Variants in ADCY3 observed in about 807,000 individuals in gnomAD.
ADCY3 encodes adenylate cyclase 3, also known as adenylate cyclase type 3.
ADCY3 carries 70 observed loss-of-function variants against 119.4 expected under a neutral mutation model. The observed-to-expected ratio is 0.59, with a 90% confidence interval of 0.48 to 0.72. The LOEUF is 0.72. Among genes scored for constraint, ADCY3 ranks in the 30% least tolerant of loss-of-function variants. The pLI, the probability that ADCY3 is intolerant of heterozygous loss-of-function variation, is 0.00. For missense variants in ADCY3, 1,238 were observed against 1,541.6 expected, an observed-to-expected ratio of 0.80 and a Z score of 3.30; for synonymous variants, 672 against 621.4, an observed-to-expected ratio of 1.08 and a Z score of -1.21.
Position 24,918,531 on chromosome 2 carries a change from A to G in ADCY3, c.457T>C (p.Ser153Pro). The G allele has an allele frequency of 6.2e-7, 1 of 1,613,970 alleles. No homozygotes were observed. The highest frequency in any genetic ancestry group is 2.2e-5 in the East Asian group (1 of 44,888). The change falls in exon 2 of 22, where the codon TCC becomes CCC. Residue 153 changes from serine (S) to proline (P), a missense_variant. Coordinates refer to ENST00000679454, the MANE Select transcript of ADCY3 (RefSeq NM_004036.5). This position sits in a 1 kb window ranked among gnomAD's most constrained non-coding sequence, Gnocchi z 5.4. ...LWLLITAQIF[S>P]YLGLNFARAH... Reference sequence around the variant, plus strand: ...CGCGCGAAGTTCAGGCCCAGGTAGGAGAAGATCTGGGCGGTTATGAGCAGC... The same window carrying G: ...CGCGCGAAGTTCAGGCCCAGGTAGGGGAAGATCTGGGCGGTTATGAGCAGC...
rs74332232 is a variant in ADCY3, at chr2:24,918,925, G to C, written c.63C>G (p.Ser21=). 1.9e-6 allele frequency: 3 copies of C among 1,612,028 alleles called. No individual in the cohort carries two copies. The Admixed American group carries it at 5.0e-5, about 27-fold the overall frequency. ...GGTCAGGGTCGGAGGGCAGGCTGAC[G>C]GAGTACTCGGCTGAGTACTCGGCCG... ...EYSAEYSAEY[S]VSLPSDPDRG... Residue 21 remains serine (S), a synonymous_variant, in exon 2 of 22, where the codon TCC becomes TCG. Transcript: ENST00000679454. This position sits in a 1 kb window ranked among gnomAD's most constrained non-coding sequence, Gnocchi z 5.4.
rs199729605 is a variant in ADCY3 at position 24,918,631 on chromosome 2, G to C, written c.357C>G (p.Ile119Met). 1.2e-6 allele frequency: 2 copies of C among 1,614,168 alleles called. No homozygotes were observed. The highest frequency in any genetic ancestry group is 1.7e-6 in the Non-Finnish European group (2 of 1,180,042). Residue 119 changes from isoleucine (I) to methionine (M), a missense_variant, in exon 2 of 22, where the codon ATC (isoleucine) becomes ATG (methionine). By Grantham distance (10) the Ile-to-Met change is conservative. Transcript: ENST00000679454. The surrounding 1 kb of genome is among the most constrained non-coding windows in gnomAD (Gnocchi z 5.4). ...AVAGIGLVLD[I>M]ILFVLCKKGL... ...CCTTTTTGCAGAGCACGAAGAGGAT[G>C]ATGTCCAACACCAGTCCAATTCCAG...
At chr2:24,853,017 T>G (rs991414621) in intron 3 of ADCY3, among the ~76,000 whole-genome samples, 1 of 29,098 alleles carries the variant, frequency 3.4e-5, no homozygotes, top group African/African-American at 3.7e-4. Flanking sequence ...TGTGTGTGTG[T>G]GTGTGTGTGT....
Position 24,918,212 on chromosome 2 carries a change from C to G in ADCY3, c.675+101G>C. ...GAGAGCCCCGGAGGCCCCCAGGACA[C>G]ATTTTGACTCAAAGGCAAAGCAAAC... is the stretch of plus-strand genomic sequence containing the variant. On this transcript the variant is annotated intron_variant, in intron 2 of 21. Coordinates refer to ENST00000679454, the MANE Select transcript of ADCY3 (RefSeq NM_004036.5). This position sits in a 1 kb window ranked among gnomAD's most constrained non-coding sequence, Gnocchi z 5.4. 1 of 1,346,214 alleles carries G rather than the reference C, an allele frequency of 7.4e-7. No homozygotes were observed. Among genetic ancestry groups the G allele is most frequent in the South Asian group, 1.4e-5 (1 of 69,462 alleles). The allele number at this position is 1,346,214 out of a possible 1,614,324, so 83.4% of individuals were successfully genotyped here. A position where few individuals can be genotyped will look rare whatever the true frequency, so the allele number is the denominator to read the frequency against.
intron 13 of ADCY3, among the ~76,000 whole-genome samples, 156 bp from the exon 14 acceptor site, chr2:24,828,317 T>C (rs1025502613): frequency 2.6e-5 from 4 of 152,200 alleles, no homozygotes; most frequent in Non-Finnish European, 4.4e-5. Context: ...GGACTAATCA[T>C]ATGAAAGTTA....
chr2:24,871,405 C>T (rs758272338), intron 3 of ADCY3, among the ~76,000 whole-genome samples: 12 of 152,224 alleles, frequency 7.9e-5, no homozygotes, highest in Non-Finnish European at 1.5e-4. Flanking sequence ...AAAATCCCCT[C>T]CTATGGGGGC....
At position 24,878,596 on chromosome 2, in the gene ADCY3, A is replaced by G. The variant is rs1262623579; in HGVS notation, c.676-5877T>C. ...CACGGGAAACTCGTCATTAAAACTT[A>G]CTCAGATGCTTTAGGAAAAAGTCTC... On this transcript the variant is annotated intron_variant, in intron 2 of 21. Transcript: ENST00000679454. The surrounding 1 kb of genome is among the most constrained non-coding windows in gnomAD (Gnocchi z 4.0). Among the ~76,000 whole-genome samples, 1 of 151,762 alleles carries G rather than the reference A, an allele frequency of 6.6e-6. No individual in the cohort carries two copies. Among genetic ancestry groups the G allele is most frequent in the Non-Finnish European group, 1.5e-5 (1 of 67,976 alleles).
chr2:24,912,235 G>A (rs1235744759), intron 2 of ADCY3, among the ~76,000 whole-genome samples: 3 of 151,804 alleles, frequency 2.0e-5, no homozygotes, highest in African/African-American at 7.3e-5. Context: ...GGCCGAGGTG[G>A]GTGAACCGCC....
chr2:24,912,282 G>A (rs1464053685), intron 2 of ADCY3, among the ~76,000 whole-genome samples: 3 of 150,194 alleles, frequency 2.0e-5, no homozygotes, highest in Non-Finnish European at 4.4e-5. Context: ...GGGCAACATG[G>A]TGAAACTCTG....
chr2:24,858,724 G>A (rs1673295803), intron 3 of ADCY3, among the ~76,000 whole-genome samples: 1 of 152,194 alleles, frequency 6.6e-6, no homozygotes, highest in Admixed American at 6.5e-5. Flanking sequence ...AAATTCTGCT[G>A]GAGGATGTGG....
chr2:24,844,926 G>A (rs1263619046), intron 3 of ADCY3, among the ~76,000 whole-genome samples: 3 of 152,290 alleles, frequency 2.0e-5, no homozygotes, highest in Non-Finnish European at 4.4e-5. Context: ...CACAGTGGCC[G>A]GTCTTTTCTG....
At position 24,919,846 on chromosome 2, in the gene ADCY3, G is replaced by C. The variant is rs1664899702; in HGVS notation, c.-361C>G. On this transcript the variant is annotated 5_prime_UTR_variant, in exon 1 of 22. Transcript: ENST00000679454. The surrounding 1 kb of genome is among the most constrained non-coding windows in gnomAD (Gnocchi z 5.5). Reference sequence around the variant, plus strand: ...TCTCCCGCCGTCAGGCCCGGGATCCGACCGGGAGAGGCGCAGGGCTGCCCC... The same window carrying C: ...TCTCCCGCCGTCAGGCCCGGGATCCCACCGGGAGAGGCGCAGGGCTGCCCC... The C allele has an allele frequency of 6.6e-6, 1 of 151,022 alleles. No individual in the cohort carries two copies. The highest frequency in any genetic ancestry group is 1.5e-5 in the Non-Finnish European group (1 of 67,650). 9.4% of individuals were successfully genotyped at this position (151,022 alleles called of 1,614,324 possible). A position where few individuals can be genotyped will look rare whatever the true frequency, so the allele number is the denominator to read the frequency against.
intron 3 of ADCY3, among the ~76,000 whole-genome samples, chr2:24,862,442 A>G (rs1189565428): frequency 1.3e-5 from 2 of 152,040 alleles, no homozygotes; most frequent in Non-Finnish European, 2.9e-5. Flanking sequence ...GCTACACGGG[A>G]GGCTGAGGCA....
intron 13 of ADCY3, among the ~76,000 whole-genome samples, chr2:24,829,412 ATTTTTTT>A (rs67246369): frequency 1.5e-3 from 95 of 63,792 alleles, no homozygotes; most frequent in African/African-American, 5.1e-3. Flanking sequence ...GTGTGCTCCA[ATTTTTTT>A]TTTTTTTTTT....
At position 24,820,494 on chromosome 2, in the gene ADCY3, T is replaced by C. The variant is rs540257795; in HGVS notation, c.3252+230A>G. 2.0e-5 allele frequency: 28 copies of C among 1,397,762 alleles called. No homozygotes were observed. The African/African-American group carries it at 3.6e-4, about 18-fold the overall frequency. The allele number at this position is 1,397,762 out of a possible 1,614,324, so 86.6% of individuals were successfully genotyped here. ...GTATTAGAAGGTTCATACCCAAAGG[T>C]AGGCCATATGCATCTAGAACTTCAG... On this transcript the variant is annotated intron_variant, in intron 21 of 21. Transcript: ENST00000679454.
chr2:24,820,252 G>T (rs1667377609), intron 21 of ADCY3, 138 bp from the exon 22 acceptor site: 15 of 1,202,846 alleles, frequency 1.2e-5, no homozygotes, highest in Non-Finnish European at 1.6e-5. Context: ...AACCTCCCAG[G>T]GCCAAGCCCT....
Position 24,841,719 on chromosome 2 carries a change from C to T in ADCY3, c.957-52G>A, listed in dbSNP as rs765936155. Reference sequence around the variant, plus strand: ...GACGCTCCAGGCAGCCAGGTGTACCCGACCCCACTGCCAGCTCCCTCTCCA... The same window carrying T: ...GACGCTCCAGGCAGCCAGGTGTACCTGACCCCACTGCCAGCTCCCTCTCCA... On this transcript the variant is annotated intron_variant, in intron 4 of 21. Transcript: ENST00000679454. The surrounding 1 kb of genome is among the most constrained non-coding windows in gnomAD (Gnocchi z 5.8). 5.6e-6 allele frequency: 8 copies of T among 1,418,812 alleles called. No homozygotes were observed. Among genetic ancestry groups the T allele is most frequent in the Middle Eastern group, 1.8e-4 (1 of 5,424 alleles). The allele number at this position is 1,418,812 out of a possible 1,614,324, so 87.9% of individuals were successfully genotyped here.
Position 24,834,694 on chromosome 2 carries a change from G to A in ADCY3, c.1806-48C>T, listed in dbSNP as rs376042979. ...GAATCCCAAATGCCACATCTGCCTTGGCCTAGCAGGGGGGCCGTATTTGGG... is the reference window on the plus strand; with the variant it reads ...GAATCCCAAATGCCACATCTGCCTTAGCCTAGCAGGGGGGCCGTATTTGGG... On this transcript the variant is annotated intron_variant, in intron 10 of 21. Coordinates refer to ENST00000679454, the MANE Select transcript of ADCY3 (RefSeq NM_004036.5). This position sits in a 1 kb window ranked among gnomAD's most constrained non-coding sequence, Gnocchi z 4.2. The A allele has an allele frequency of 1.9e-4, 307 of 1,605,094 alleles. No individual in the cohort carries two copies. Among genetic ancestry groups the A allele is most frequent in the Non-Finnish European group, 2.4e-4 (278 of 1,172,782 alleles).
intron 2 of ADCY3, among the ~76,000 whole-genome samples, chr2:24,894,187 A>G (rs1432412541): frequency 2.0e-5 from 3 of 152,202 alleles, no homozygotes; most frequent in Non-Finnish European, 4.4e-5. Flanking sequence ...ATTACTTTGC[A>G]TATAAGAAAA....
Sources: allele counts gnomAD v4.1 joint callset (sites outside exome capture counted in the v4.1 genomes callset), GRCh38; gene constraint gnomAD v4.1.1; non-coding constraint Gnocchi (gnomAD v3.1); transcripts MANE v1.5; gene names NCBI Gene and HGNC (gene_info 2026-07-23, HGNC 2026-07-21).